Variants in SPG7 observed in about 807,000 individuals in gnomAD.
SPG7 encodes SPG7 matrix AAA peptidase subunit, paraplegin, also known as mitochondrial inner membrane m-AAA protease component paraplegin.
In SPG7, 103 loss-of-function variants were observed where a neutral mutation model predicts 81.9. The ratio of observed to expected loss-of-function variants is 1.26; its 90% CI spans 1.07 to 1.48. SPG7 has a LOEUF of 1.48. SPG7 is among the 40% of genes most tolerant of loss of function. The pLI is 0.00. For missense variants in SPG7, 1,241 were observed against 1,087.3 expected (o/e 1.14, Z -1.99); for synonymous variants, 534 against 444.2 (o/e 1.20, Z -2.54).
chr16:89,531,574 A>C, intron 7 of SPG7: 1 of 355,686 alleles, frequency 2.8e-6, no homozygotes, highest in South Asian at 2.5e-5. Flanking sequence ...GGGTTTTTCC[A>C]TGTTGGCCAG....
chr16:89,556,459 C>T (rs571676606), intron 16 of SPG7: 130 of 308,762 alleles, frequency 4.2e-4, no homozygotes, highest in Admixed American at 1.1e-3. Flanking sequence ...TTTCCAGGAT[C>T]CCACCTAGAA....
At chr16:89,527,096 T>C (rs546592920) in intron 5 of SPG7, 5 of 169,692 alleles carry the variant, frequency 2.9e-5, no homozygotes, top group African/African-American at 1.2e-4. Flanking sequence ...CAATACCCTG[T>C]AAATACTATT....
Position 89,553,754 on chromosome 16 carries a change from G to A in SPG7, c.1937-40G>A, listed in dbSNP as rs751738206. On this transcript the variant is annotated intron_variant, in intron 14 of 16. Transcript: ENST00000645818. ...TGGGGCCCAGCACTGCTCTGCGCCTGCAGTGCTGAGGATGCCTCTGTCTCG... is the reference window on the plus strand; with the variant it reads ...TGGGGCCCAGCACTGCTCTGCGCCTACAGTGCTGAGGATGCCTCTGTCTCG... The A allele has an allele frequency of 9.3e-6, 15 of 1,607,912 alleles. No homozygotes were observed. The Admixed American group carries it at 2.0e-4, about 21-fold the overall frequency.
chr16:89,516,575 A>G (rs1214951511), intron 3 of SPG7, among the ~76,000 whole-genome samples: 3 of 151,882 alleles, frequency 2.0e-5, no homozygotes, highest in Non-Finnish European at 4.4e-5. Flanking sequence ...ATTAAGAAAG[A>G]AAAGGCCGGG....
At chr16:89,535,357 A>T (rs12920340) in intron 9 of SPG7, among the ~76,000 whole-genome samples, 15,657 of 152,132 alleles carry the variant, frequency 0.1, 1,083 homozygotes, top group Admixed American at 0.17. Flanking sequence ...ATGCCCACAG[A>T]AGTGTTCTCT....
intron 13 of SPG7, 94 bp from the exon 14 acceptor site, chr16:89,552,885 C>A: frequency 8.1e-7 from 1 of 1,236,326 alleles, no homozygotes; most frequent in South Asian, 1.2e-5. Context: ...TGCTTTGAGA[C>A]GCTTTAATGA....
chr16:89,537,515 G>A (rs1035147572), intron 9 of SPG7: 14 of 992,212 alleles, frequency 1.4e-5, no homozygotes, highest in Non-Finnish European at 1.7e-5. Flanking sequence ...AAAGGCTGCT[G>A]TGAACATTTT....
chr16:89,547,037 C>T lies in SPG7; in HGVS notation c.1552+277C>T, dbSNP rs559651473. The T allele has an allele frequency of 4.2e-5, 18 of 426,976 alleles. No individual in the cohort carries two copies. In the East Asian group the frequency reaches 8.8e-4, roughly 21 times the overall value. The allele number at this position is 426,976 out of a possible 1,614,324, so 26.4% of individuals were successfully genotyped here. A position where few individuals can be genotyped will look rare whatever the true frequency, so the allele number is the denominator to read the frequency against. On this transcript the variant is annotated intron_variant, in intron 11 of 16. Coordinates refer to ENST00000645818, the MANE Select transcript of SPG7 (RefSeq NM_003119.4). ...ATAGTGGAGTTATGTTGCTTCCACA[C>T]AGTGACCAGTCATGCCGGCGTTTCC...
At chr16:89,525,507 G>A (rs1402977213) in intron 4 of SPG7, among the ~76,000 whole-genome samples, 1 of 152,198 alleles carries the variant, frequency 6.6e-6, no homozygotes, top group African/African-American at 2.4e-5. Flanking sequence ...TGAGGGAGCA[G>A]CAGGTGCCAT....
intron 1 of SPG7, among the ~76,000 whole-genome samples, chr16:89,509,467 TC>T (rs1413336874): frequency 6.6e-6 from 1 of 152,174 alleles, no homozygotes; most frequent in Non-Finnish European, 1.5e-5. Flanking sequence ...GCCAGGATGG[TC>T]TCCATCTCTT....
In SPG7 at chr16:89,530,804, T is replaced by C. The variant is rs1555612612; in HGVS notation, c.983T>C (p.Leu328Pro). The change falls in exon 7 of 17, where the codon CTG becomes CCG. Residue 328 changes from leucine to proline, a missense_variant. Leu to Pro is a moderately conservative substitution (Grantham distance 98, BLOSUM62 -3). Transcript: ENST00000645818. The stretch of plus-strand genomic sequence containing the variant: ...GAAGTCCGCGAGTTTGTGGATTATC[T>C]GAAGGTGAAAGCAGCGTGGGCCGGG... Reference protein sequence around the residue: ...KLEVREFVDYLKSPERFLQLG... With the variant: ...KLEVREFVDYPKSPERFLQLG... 6.2e-7 allele frequency: 1 copy of C among 1,614,092 alleles called. No individual in the cohort carries two copies. The highest frequency in any genetic ancestry group is 8.5e-7 in the Non-Finnish European group (1 of 1,180,002).
rs1343021685 is a variant in SPG7, at chr16:89,548,504, G to C, written c.1663+391G>C. 2.0e-5 allele frequency: 6 copies of C among 300,328 alleles called. No individual in the cohort carries two copies. The Admixed American group carries it at 3.0e-4, about 15-fold the overall frequency. 18.6% of individuals were successfully genotyped at this position (300,328 alleles called of 1,614,324 possible). A position where few individuals can be genotyped will look rare whatever the true frequency, so the allele number is the denominator to read the frequency against. On this transcript the variant is annotated intron_variant, in intron 12 of 16. Transcript: ENST00000645818. ...GCCGCTGACTGTGGGCCGGAGGGCTGCTGCCGCCCGTGGCTGTGGAGGGAC... is the reference window on the plus strand; with the variant it reads ...GCCGCTGACTGTGGGCCGGAGGGCTCCTGCCGCCCGTGGCTGTGGAGGGAC...
chr16:89,534,324 G>A (rs559959549), intron 9 of SPG7, among the ~76,000 whole-genome samples: 7 of 152,294 alleles, frequency 4.6e-5, no homozygotes, highest in South Asian at 2.1e-4. Context: ...TACTGGGCAC[G>A]TGTCAGGATT....
Position 89,546,666 on chromosome 16 carries a change from G to A in SPG7, c.1458G>A (p.Arg486=). 1 of 1,612,414 alleles carries A rather than the reference G, an allele frequency of 6.2e-7. No homozygotes were observed. Among genetic ancestry groups the A allele is most frequent in the African/African-American group, 1.3e-5 (1 of 74,986 alleles). Residue 486 remains arginine (R), a synonymous_variant, in exon 11 of 17, where the codon CGG becomes CGA. Transcript: ENST00000645818. ...FIDLPTLQER[R]EIFEQHLKSL... ...TCCCCTGGTTCTGGCAGGAGAGGCG[G>A]GAGATTTTTGAGCAGCACCTGAAGA...
chr16:89,515,206 G>T (rs1458597666), intron 3 of SPG7, among the ~76,000 whole-genome samples: 3 of 150,984 alleles, frequency 2.0e-5, no homozygotes, highest in Non-Finnish European at 4.4e-5. Flanking sequence ...AAAGTGCTGG[G>T]ATTACAGGAG....
chr16:89,511,087 C>G (rs1159872332), intron 2 of SPG7, among the ~76,000 whole-genome samples: 4 of 152,206 alleles, frequency 2.6e-5, no homozygotes, highest in Non-Finnish European at 4.4e-5. Context: ...ATCAGCCTGC[C>G]TTGGCCTCCC....
Position 89,553,136 on chromosome 16 carries a change from G to C in SPG7, c.1936+1G>C. 6.2e-7 allele frequency: 1 copy of C among 1,603,798 alleles called. No homozygotes were observed. The highest frequency in any genetic ancestry group is 8.5e-7 in the Non-Finnish European group (1 of 1,175,256). On this transcript the variant is annotated splice_donor_variant, in intron 14 of 16. Transcript: ENST00000645818. LOFTEE classifies it high-confidence loss of function. ...CTGTCCTTCAACGAGGTCACTTCTG[G>C]TGAGGAGCAGCGGCGCGGGCCCTGG...
intron 10 of SPG7, 109 bp from the exon 11 acceptor site, chr16:89,546,549 T>C: frequency 3.7e-6 from 3 of 813,530 alleles, no homozygotes; most frequent in Admixed American, 1.7e-5. Flanking sequence ...TGGCACACAC[T>C]TGTAATCCCA....
At chr16:89,512,875 T>C in intron 2 of SPG7, 73 bp from the exon 3 acceptor site, 1 of 1,552,590 alleles carries the variant, frequency 6.4e-7, no homozygotes, top group Non-Finnish European at 8.9e-7. Context: ...TATTTAGGAG[T>C]ACACTGTTGT....
Sources: allele counts gnomAD v4.1 joint callset (sites outside exome capture counted in the v4.1 genomes callset), GRCh38; gene constraint gnomAD v4.1.1; transcripts MANE v1.5; gene names NCBI Gene and HGNC (gene_info 2026-07-23, HGNC 2026-07-21).